ST18: variants seen among roughly 807,000 people sequenced by gnomAD.
The protein encoded by ST18 is suppression of tumorigenicity 18 protein.
In ST18, 50 loss-of-function variants were observed where a neutral mutation model predicts 110.0. That is an observed-to-expected ratio of 0.45 (90% CI 0.36 to 0.58). The LOEUF is 0.58. ST18 is among the 20% of genes least tolerant of loss of function. The probability of loss-of-function intolerance (pLI) is 0.00; values close to 1 mark genes in which losing one functional copy is unlikely to be tolerated. For synonymous variants in ST18, 461 were observed against 452.4 expected, an observed-to-expected ratio of 1.02 and a Z score of -0.24; for missense variants, 1,306 against 1,280.1, an observed-to-expected ratio of 1.02 and a Z score of -0.31.
At chr8:52,212,825 GCCAGAGGAATTTAAAGT>G (rs1312642256) in intron 7 of ST18, among the ~76,000 whole-genome samples, 4 of 152,148 alleles carry the variant, frequency 2.6e-5, no homozygotes, top group Admixed American at 6.5e-5. Flanking sequence ...TCATGCCTGT[GCCAGAGGAATTTAAAGT>G]CCAAAAGGAA....
At chr8:52,229,669 G>T (rs981536432) in intron 3 of ST18, 1 of 152,242 alleles carries the variant, frequency 6.6e-6, no homozygotes, top group Middle Eastern at 3.4e-3. Context: ...CATCCCTTTT[G>T]TCATGCAAGA....
In ST18 at chr8:52,305,706, T is replaced by G. The variant is rs116751890; in HGVS notation, c.-464-75629A>C. Among the ~76,000 whole-genome samples, 588 of 152,276 alleles carry G rather than the reference T, an allele frequency of 3.9e-3. 3 individuals are homozygous for G. Among genetic ancestry groups the G allele is most frequent in the African/African-American group, 0.014 (561 of 41,554 alleles). ...TCTTTCACTCACCGCATCCGGTGTATCAGCAAATCCTCTGGGCTCTTCCTT... is the reference window on the plus strand; with the variant it reads ...TCTTTCACTCACCGCATCCGGTGTAGCAGCAAATCCTCTGGGCTCTTCCTT... On this transcript the variant is annotated intron_variant, in intron 2 of 25. Transcript: ENST00000689386.
chr8:52,152,056 G>A (rs1349523213), intron 15 of ST18, among the ~76,000 whole-genome samples: 1 of 152,158 alleles, frequency 6.6e-6, no homozygotes, highest in Non-Finnish European at 1.5e-5. Context: ...TACATTTCGA[G>A]TCAATTACTC....
chr8:52,247,487 G>A (rs918246457), intron 2 of ST18, among the ~76,000 whole-genome samples: 10 of 152,138 alleles, frequency 6.6e-5, no homozygotes, highest in Non-Finnish European at 2.9e-5. Context: ...CTTCAGTCAA[G>A]TTTGCACACC....
intron 17 of ST18, among the ~76,000 whole-genome samples, chr8:52,139,321 ATTAT>A (rs2053844680): frequency 9.5e-6 from 1 of 105,190 alleles, no homozygotes; most frequent in Admixed American, 8.1e-5. Context: ...ACAGCATTGC[ATTAT>A]ATATATATAT....
At chr8:52,149,505 T>C (rs1200229719) in intron 16 of ST18, among the ~76,000 whole-genome samples, 1 of 152,240 alleles carries the variant, frequency 6.6e-6, no homozygotes, top group Non-Finnish European at 1.5e-5. Context: ...TTAATAGGAA[T>C]AAAATCTACT....
At chr8:52,130,705 C>T (rs1000646459) in intron 22 of ST18, among the ~76,000 whole-genome samples, 3 of 152,234 alleles carry the variant, frequency 2.0e-5, no homozygotes, top group African/African-American at 7.2e-5. Context: ...ATGGGAGTAT[C>T]TGTTGCTCCA....
At chr8:52,190,876 T>C (rs2074249718) in intron 8 of ST18, among the ~76,000 whole-genome samples, 1 of 152,156 alleles carries the variant, frequency 6.6e-6, no homozygotes, top group Non-Finnish European at 1.5e-5. Flanking sequence ...CGAACGAAGA[T>C]TCGGGGCACA....
At chr8:52,289,102 C>T (rs1309953078) in intron 2 of ST18, among the ~76,000 whole-genome samples, 2 of 152,144 alleles carry the variant, frequency 1.3e-5, no homozygotes, top group African/African-American at 4.8e-5. Flanking sequence ...GAATTCCAGC[C>T]CCTGCAGGTC....
intron 2 of ST18, among the ~76,000 whole-genome samples, chr8:52,318,558 A>G (rs2096069516): frequency 6.6e-6 from 1 of 152,204 alleles, no homozygotes; most frequent in African/African-American, 2.4e-5. Flanking sequence ...ATATACCCAA[A>G]TGAATATAAA....
In ST18 at chr8:52,357,714, TATATATATA is replaced by T. The variant is rs1564568640; in HGVS notation, c.-465+51605_-465+51613del. 4.0e-3 allele frequency among the ~76,000 whole-genome samples: 277 copies of T among 69,326 alleles called. 6 individuals carry two copies. The highest frequency in any genetic ancestry group is 0.021 in the African/African-American group (223 of 10,564). 45.5% of individuals were successfully genotyped at this position (69,326 alleles called of 152,430 possible). The stretch of plus-strand genomic sequence containing the variant: ...ATATATATATATATATATATATATA[TATATATATA>T]TATATATAAAACAGACTCAAAGGGA... On this transcript the variant is annotated intron_variant, in intron 2 of 25. Coordinates refer to ENST00000689386, the MANE Select transcript of ST18 (RefSeq NM_001352837.2).
At chr8:52,236,372 G>C (rs1368775734) in intron 2 of ST18, among the ~76,000 whole-genome samples, 1 of 152,168 alleles carries the variant, frequency 6.6e-6, no homozygotes, top group African/African-American at 2.4e-5. Flanking sequence ...CACTTTGGGA[G>C]GCCAAAGCGG....
chr8:52,369,682 A>C (rs2140578456), intron 2 of ST18, among the ~76,000 whole-genome samples: 1 of 152,350 alleles, frequency 6.6e-6, no homozygotes, highest in African/African-American at 2.4e-5. Context: ...AATGTCATAA[A>C]AAGGGAAAGA....
At chr8:52,380,013 T>C (rs1463439956) in intron 2 of ST18, among the ~76,000 whole-genome samples, 2 of 152,202 alleles carry the variant, frequency 1.3e-5, no homozygotes, top group East Asian at 3.9e-4. Context: ...CTCTCATAGT[T>C]TTTGAATGTT....
intron 8 of ST18, among the ~76,000 whole-genome samples, chr8:52,203,169 G>A (rs1434408178): frequency 1.3e-5 from 2 of 152,150 alleles, no homozygotes; most frequent in East Asian, 3.9e-4. Flanking sequence ...TTGTTTTAAG[G>A]TAGGTTTTGA....
chr8:52,182,121 C>T (rs187644087), intron 8 of ST18, among the ~76,000 whole-genome samples: 353 of 152,212 alleles, frequency 2.3e-3, no homozygotes, highest in Middle Eastern at 0.017. Context: ...GAGGCTCCTA[C>T]GTCATTCAGA....
intron 2 of ST18, among the ~76,000 whole-genome samples, chr8:52,355,976 C>A (rs1033937953): frequency 2.6e-5 from 4 of 152,086 alleles, no homozygotes; most frequent in African/African-American, 7.2e-5. Context: ...CAAGGGATAA[C>A]AACCAGACAA....
At chr8:52,187,174 T>G (rs1217310886) in intron 8 of ST18, among the ~76,000 whole-genome samples, 2 of 152,208 alleles carry the variant, frequency 1.3e-5, no homozygotes, top group Non-Finnish European at 2.9e-5. Flanking sequence ...AATTGTAGGT[T>G]CTAAACCCAA....
chr8:52,264,391 GA>G (rs1047104279), intron 2 of ST18, among the ~76,000 whole-genome samples: 2 of 152,122 alleles, frequency 1.3e-5, no homozygotes, highest in Admixed American at 6.5e-5. Flanking sequence ...ATTTCTCTAA[GA>G]TTTTTTTGGA....
Sources: allele counts gnomAD v4.1 joint callset (sites outside exome capture counted in the v4.1 genomes callset), GRCh38; gene constraint gnomAD v4.1.1; transcripts MANE v1.5; gene names NCBI Gene and HGNC (gene_info 2026-07-23, HGNC 2026-07-21).